The following MAN2A1 variants were observed in gnomAD, a reference collection of about 807,000 sequenced individuals.
MAN2A1 encodes mannosidase alpha class 2A member 1, also known as alpha-mannosidase 2.
Under a neutral mutation model 142.6 loss-of-function variants are expected in MAN2A1, and 76 were observed. The observed-to-expected ratio is 0.53, with a 90% CI of 0.44 to 0.65. The LOEUF (loss-of-function observed/expected upper bound fraction) is 0.65. Ranked by LOEUF, MAN2A1 falls within the 30% of genes least tolerant of loss-of-function variation. MAN2A1 has a pLI of 0.00. For synonymous variants in MAN2A1, 559 were observed against 473.2 expected (o/e 1.18, Z -2.35); for missense variants, 1,311 against 1,365.1 (o/e 0.96, Z 0.62).
chr5:109,868,006 G>A lies in MAN2A1; in HGVS notation c.*1008G>A, dbSNP rs890221320. On this transcript the variant is annotated 3_prime_UTR_variant, in exon 22 of 22. Transcript: ENST00000261483. ...TCTGTTTCATTAAATTTGTGGTGATGTTACTCTAAACATTTTGACTATTTG... is the reference window on the plus strand; with the variant it reads ...TCTGTTTCATTAAATTTGTGGTGATATTACTCTAAACATTTTGACTATTTG... 5 of 152,062 alleles carry A rather than the reference G, an allele frequency of 3.3e-5. No homozygotes were observed. Among genetic ancestry groups the A allele is most frequent in the African/African-American group, 1.2e-4 (5 of 41,394 alleles). The allele number at this position is 152,062 out of a possible 1,614,324, so 9.4% of individuals were successfully genotyped here. A position where few individuals can be genotyped will look rare whatever the true frequency, so the allele number is the denominator to read the frequency against.
At chr5:109,770,265 A>G in intron 6 of MAN2A1, 90 bp from the exon 7 acceptor site, 3 of 1,216,332 alleles carry the variant, frequency 2.5e-6, no homozygotes, top group South Asian at 2.8e-5. Flanking sequence ...CTAAATCAGC[A>G]TTACTTTGTG....
At chr5:109,719,285 A>G (rs959076867) in intron 3 of MAN2A1, among the ~76,000 whole-genome samples, 2 of 152,244 alleles carry the variant, frequency 1.3e-5, no homozygotes, top group African/African-American at 4.8e-5. Context: ...AGAAACAAAC[A>G]TTTTAAAACT....
Position 109,754,411 on chromosome 5 carries a change from A to G in MAN2A1, c.708-918A>G, listed in dbSNP as rs547617405. On this transcript the variant is annotated intron_variant, in intron 4 of 21. Transcript: ENST00000261483. ...TGAAGCTGTTAGAGCCTTTCACTCAATAATGAAAAATAAACTGTATAGCCT... is the reference window on the plus strand; with the variant it reads ...TGAAGCTGTTAGAGCCTTTCACTCAGTAATGAAAAATAAACTGTATAGCCT... Among the ~76,000 whole-genome samples, 5 of 152,312 alleles carry G rather than the reference A, an allele frequency of 3.3e-5. No homozygotes were observed. The East Asian group carries it at 5.8e-4, about 18-fold the overall frequency.
chr5:109,851,717 C>A (rs1157499448), intron 19 of MAN2A1, among the ~76,000 whole-genome samples: 1 of 152,058 alleles, frequency 6.6e-6, no homozygotes, highest in Non-Finnish European at 1.5e-5. Flanking sequence ...GGATTTGTTT[C>A]TTTGACGGTT....
At chr5:109,843,232 C>G (rs761431559) in intron 17 of MAN2A1, among the ~76,000 whole-genome samples, 1 of 152,138 alleles carries the variant, frequency 6.6e-6, no homozygotes, top group African/African-American at 2.4e-5. Flanking sequence ...AGGAAACTTA[C>G]AATCGTAGAG....
intron 4 of MAN2A1, 31 bp from the exon 5 acceptor site, chr5:109,755,298 T>G (rs764263700): frequency 5.8e-6 from 9 of 1,549,786 alleles, no homozygotes; most frequent in African/African-American, 1.4e-5. Flanking sequence ...TTAACATTTA[T>G]TAATGTAGAC....
intron 4 of MAN2A1, among the ~76,000 whole-genome samples, chr5:109,740,819 A>T (rs1248601112): frequency 6.6e-6 from 1 of 152,108 alleles, no homozygotes. Context: ...CTTTTACCAT[A>T]TCTGTCAGAA....
intron 16 of MAN2A1, 127 bp downstream of exon 16, chr5:109,823,964 AATATG>A: frequency 3.9e-6 from 2 of 506,718 alleles, no homozygotes; most frequent in Admixed American, 7.5e-5. Flanking sequence ...TGACATTTTT[AATATG>A]ATTTAAAATA....
intron 1 of MAN2A1, among the ~76,000 whole-genome samples, chr5:109,708,064 A>G (rs1751187986): frequency 6.6e-6 from 1 of 152,098 alleles, no homozygotes; most frequent in Admixed American, 6.5e-5. Context: ...GAGAGGTAAG[A>G]GGCTCAAGAA....
At chr5:109,718,392 T>G (rs1259490572) in intron 3 of MAN2A1, among the ~76,000 whole-genome samples, 1 of 152,250 alleles carries the variant, frequency 6.6e-6, no homozygotes, top group African/African-American at 2.4e-5. Context: ...CTGGGCAGAA[T>G]GCCAAATGTT....
chr5:109,817,568 C>A, intron 13 of MAN2A1, 130 bp downstream of exon 13: 8 of 811,664 alleles, frequency 9.9e-6, no homozygotes, highest in Admixed American at 2.5e-5. Context: ...GTTGTAAATA[C>A]CAGAGAGTTT....
chr5:109,761,351 A>T (rs568526437), intron 5 of MAN2A1, among the ~76,000 whole-genome samples: 2 of 151,814 alleles, frequency 1.3e-5, no homozygotes, highest in African/African-American at 4.8e-5. Flanking sequence ...ATCATATTAT[A>T]TAGTATTTTT....
At chr5:109,811,152 AACTT>A (rs1352210411) in intron 12 of MAN2A1, among the ~76,000 whole-genome samples, 1 of 151,942 alleles carries the variant, frequency 6.6e-6, no homozygotes, top group Non-Finnish European at 1.5e-5. Flanking sequence ...TTTTTCTACT[AACTT>A]TGTATCTTTT....
chr5:109,861,247 A>G (rs901119697), intron 20 of MAN2A1, among the ~76,000 whole-genome samples: 2 of 152,204 alleles, frequency 1.3e-5, no homozygotes, highest in African/African-American at 4.8e-5. Flanking sequence ...TTAGAACAGC[A>G]TGTGGCACAT....
At chr5:109,764,786 A>G (rs147017936) in intron 5 of MAN2A1, among the ~76,000 whole-genome samples, 4 of 152,122 alleles carry the variant, frequency 2.6e-5, no homozygotes, top group Non-Finnish European at 4.4e-5. Context: ...ACTGATTTTT[A>G]TCTTTTTTTG....
chr5:109,850,953 G>A lies in MAN2A1; in HGVS notation c.2976+3163G>A, dbSNP rs184243279. ...ATAATTAAAAAGACACTTAATTGAT[G>A]AAAGTTAATACCATGTAACTTGAAT... On this transcript the variant is annotated intron_variant, in intron 19 of 21. Coordinates refer to ENST00000261483, the MANE Select transcript of MAN2A1 (RefSeq NM_002372.4). Among the ~76,000 whole-genome samples, 326 of 152,280 alleles carry A rather than the reference G, an allele frequency of 2.1e-3. 2 individuals are homozygous for A. The highest frequency in any genetic ancestry group is 7.3e-3 in the African/African-American group (305 of 41,558).
At chr5:109,798,748 C>G (rs1753932617) in intron 12 of MAN2A1, among the ~76,000 whole-genome samples, 1 of 152,164 alleles carries the variant, frequency 6.6e-6, no homozygotes, top group Non-Finnish European at 1.5e-5. Flanking sequence ...GTGGCACAAT[C>G]TCGGCTTACT....
At chr5:109,735,023 C>T (rs543838351) in intron 4 of MAN2A1, among the ~76,000 whole-genome samples, 2 of 152,244 alleles carry the variant, frequency 1.3e-5, no homozygotes, top group African/African-American at 4.8e-5. Flanking sequence ...CTTTATAGGT[C>T]ACTCATGACT....
In MAN2A1 at chr5:109,855,242, C is replaced by G; in HGVS notation, c.3079C>G (p.Pro1027Ala). Residue 1027 changes from proline (P) to alanine (A), a missense_variant, in exon 20 of 22, where the codon CCT becomes GCT. Physicochemically the swap from Pro to Ala is conservative, Grantham distance 27. This residue lies in a region of MAN2A1 where 890 missense variants were observed against 920.5 expected (regional missense o/e 0.97). Coordinates refer to ENST00000261483, the MANE Select transcript of MAN2A1 (RefSeq NM_002372.4). ...VIPMANKFSS[P>A]TLELQGEFSP... ...TCCAATGGCAAATAAGTTCTCCTCA[C>G]CTACCCTTGAGCTGCAAGGTGAATT... 1 of 1,603,088 alleles carries G rather than the reference C, an allele frequency of 6.2e-7. No individual in the cohort carries two copies. The highest frequency in any genetic ancestry group is 8.5e-7 in the Non-Finnish European group (1 of 1,173,992).
Sources: allele counts gnomAD v4.1 joint callset (sites outside exome capture counted in the v4.1 genomes callset), GRCh38; gene constraint gnomAD v4.1.1; regional missense constraint gnomAD v4.1.1; transcripts MANE v1.5; gene names NCBI Gene and HGNC (gene_info 2026-07-23, HGNC 2026-07-21).